ABCG1: variants seen among roughly 807,000 people sequenced by gnomAD.
ABCG1 encodes ATP binding cassette subfamily G member 1.
A neutral mutation model predicts 69.2 loss-of-function variants in ABCG1; 29 were observed. That is an observed-to-expected ratio of 0.42 (90% CI 0.31 to 0.57). The LOEUF (loss-of-function observed/expected upper bound fraction) is 0.57, where lower values mean the gene tolerates loss of function less well. ABCG1 is among the 20% of genes least tolerant of loss of function. The probability of loss-of-function intolerance (pLI) is 0.15; values close to 1 mark genes in which losing one functional copy is unlikely to be tolerated. For synonymous variants in ABCG1, 370 were observed against 374.8 expected (o/e 0.99, Z 0.15); for missense variants, 718 against 898.1 (o/e 0.80, Z 2.56).
intron 2 of ABCG1, among the ~76,000 whole-genome samples, chr21:42,267,791 G>T (rs1194770017): frequency 6.8e-6 from 1 of 147,182 alleles, no homozygotes; most frequent in Non-Finnish European, 1.5e-5. Flanking sequence ...GTCTGGGTCT[G>T]GTCTGGGTTC....
intron 5 of ABCG1, 133 bp downstream of exon 5, chr21:42,277,078 G>A: frequency 1.1e-6 from 1 of 930,584 alleles, no homozygotes; most frequent in Non-Finnish European, 1.7e-6. Context: ...CCGTGTGTGG[G>A]ACAGGCAACA....
At position 42,296,183 on chromosome 21, in the gene ABCG1, A is replaced by T; in HGVS notation, c.1792A>T (p.Ile598Phe). 6.2e-7 allele frequency: 1 copy of T among 1,614,068 alleles called. No homozygotes were observed. The highest frequency in any genetic ancestry group is 8.5e-7 in the Non-Finnish European group (1 of 1,180,014). ...SYVRYGFEGV[I>F]LSIYGLDRED... ...TCCTAGGTATGGGTTCGAAGGGGTC[A>T]TCCTCTCCATCTATGGCTTAGACCG... Residue 598 changes from isoleucine to phenylalanine, a missense_variant, in exon 15 of 15, where the codon ATC (isoleucine) becomes TTC (phenylalanine). Physicochemically the swap from Ile to Phe is conservative, Grantham distance 21. Transcript: ENST00000398449. The surrounding 1 kb of genome is among the most constrained non-coding windows in gnomAD (Gnocchi z 5.4).
At chr21:42,272,460 A>G (rs774491172) in intron 3 of ABCG1, among the ~76,000 whole-genome samples, 2 of 152,268 alleles carry the variant, frequency 1.3e-5, no homozygotes, top group African/African-American at 2.4e-5. Context: ...GCCCACAGTC[A>G]TAGTAACAAG....
At chr21:42,210,863 C>T (rs965764328) in intron 2 of ABCG1, among the ~76,000 whole-genome samples, 3 of 152,084 alleles carry the variant, frequency 2.0e-5, no homozygotes, top group Non-Finnish European at 2.9e-5. Context: ...AGCGAAGGAG[C>T]GTATCTGGAT....
intron 2 of ABCG1, among the ~76,000 whole-genome samples, chr21:42,243,407 T>C (rs1601381610): frequency 1.3e-5 from 2 of 151,942 alleles, no homozygotes; most frequent in East Asian, 3.9e-4. Flanking sequence ...TTTATCTTAA[T>C]CTGTTTCACA....
At chr21:42,250,811 CT>C (rs2068208034) in intron 2 of ABCG1, among the ~76,000 whole-genome samples, 1 of 152,188 alleles carries the variant, frequency 6.6e-6, no homozygotes, top group Non-Finnish European at 1.5e-5. Flanking sequence ...GCATGCTGTG[CT>C]GCTGGCATGG....
chr21:42,296,546 C>A lies in ABCG1; in HGVS notation c.*154C>A. The A allele has an allele frequency of 1.5e-6, 1 of 652,636 alleles. No individual in the cohort carries two copies. The highest frequency in any genetic ancestry group is 2.7e-6 in the Non-Finnish European group (1 of 369,164). 40.4% of individuals were successfully genotyped at this position (652,636 alleles called of 1,614,324 possible). A position where few individuals can be genotyped will look rare whatever the true frequency, so the allele number is the denominator to read the frequency against. ...GGGTTTGTGGGTGTCTCGTGCTCAGCCACTCTGCCCAGCTGGGTTGGATCT... is the reference window on the plus strand; with the variant it reads ...GGGTTTGTGGGTGTCTCGTGCTCAGACACTCTGCCCAGCTGGGTTGGATCT... On this transcript the variant is annotated 3_prime_UTR_variant, in exon 15 of 15. Coordinates refer to ENST00000398449, the MANE Select transcript of ABCG1 (RefSeq NM_016818.3). The surrounding 1 kb of genome is among the most constrained non-coding windows in gnomAD (Gnocchi z 5.4).
chr21:42,276,225 T>G lies in ABCG1; in HGVS notation c.538-670T>G, dbSNP rs1426728429. On this transcript the variant is annotated intron_variant, in intron 4 of 14. Coordinates refer to ENST00000398449, the MANE Select transcript of ABCG1 (RefSeq NM_016818.3). This position sits in a 1 kb window ranked among gnomAD's most constrained non-coding sequence, Gnocchi z 5.3. The stretch of plus-strand genomic sequence containing the variant: ...AAGCAGGGCCAGGAGCCCAGTGCTG[T>G]GTTAGCAAACGGGATCTCAAAAAAC... 2 of 152,346 alleles carry G rather than the reference T, an allele frequency of 1.3e-5. No individual in the cohort carries two copies. Among genetic ancestry groups the G allele is most frequent in the Non-Finnish European group, 2.9e-5 (2 of 68,172 alleles). The allele number at this position is 152,346 out of a possible 1,614,324, so 9.4% of individuals were successfully genotyped here.
chr21:42,202,615 T>G (rs1403207734), intron 2 of ABCG1, among the ~76,000 whole-genome samples: 2 of 148,816 alleles, frequency 1.3e-5, no homozygotes, highest in East Asian at 3.9e-4. Context: ...CTCTCTCCCT[T>G]TTTTTTTTTC....
rs55874718 is a variant in ABCG1 at position 42,280,250 on chromosome 21, C to A, written c.589-2024C>A. Among the ~76,000 whole-genome samples, 51 of 152,272 alleles carry A rather than the reference C, an allele frequency of 3.3e-4. No individual in the cohort carries two copies. In the East Asian group the frequency reaches 8.9e-3, roughly 27 times the overall value. On this transcript the variant is annotated intron_variant, in intron 5 of 14. Coordinates refer to ENST00000398449, the MANE Select transcript of ABCG1 (RefSeq NM_016818.3). Reference sequence around the variant, plus strand: ...CCTTCACTCACTTCCCTCCAACCCCCGATGTGCACCTAGGTCAAAGTTCTC... The same window carrying A: ...CCTTCACTCACTTCCCTCCAACCCCAGATGTGCACCTAGGTCAAAGTTCTC...
Position 42,273,364 on chromosome 21 carries a change from C to A in ABCG1, c.466C>A (p.Arg156=). 1 of 1,613,924 alleles carries A rather than the reference C, an allele frequency of 6.2e-7. No individual in the cohort carries two copies. The change falls in exon 4 of 15, where the codon CGG becomes AGG. Residue 156 remains arginine, a synonymous_variant. Coordinates refer to ENST00000398449, the MANE Select transcript of ABCG1 (RefSeq NM_016818.3). This position sits in a 1 kb window ranked among gnomAD's most constrained non-coding sequence, Gnocchi z 5.3. Reference sequence around the variant, plus strand: ...CCTGCCCCGGGACCTGCGCTGCTTCCGGAAGGTGTCCTGCTACATCATGCA... The same window carrying A: ...CCTGCCCCGGGACCTGCGCTGCTTCAGGAAGGTGTCCTGCTACATCATGCA... ...NGLPRDLRCF[R]KVSCYIMQDD...
rs536180181 is a variant in ABCG1 at position 42,265,950 on chromosome 21, C to T, written c.287-5120C>T. On this transcript the variant is annotated intron_variant, in intron 2 of 14. Coordinates refer to ENST00000398449, the MANE Select transcript of ABCG1 (RefSeq NM_016818.3). The stretch of plus-strand genomic sequence containing the variant: ...TCCCCTTCCTGGACAGGGTTCTTCT[C>T]TCTTAAGCCTGGATAAGTGGGCTTG... Among the ~76,000 whole-genome samples the T allele has an allele frequency of 2.0e-5, 3 of 152,336 alleles. No individual in the cohort carries two copies. In the South Asian group the frequency reaches 6.2e-4, roughly 32 times the overall value.
At chr21:42,261,550 C>T (rs368599312) in intron 2 of ABCG1, among the ~76,000 whole-genome samples, 191 of 152,368 alleles carry the variant, frequency 1.3e-3, no homozygotes, top group African/African-American at 4.3e-3. Flanking sequence ...CCCACCCCCT[C>T]TCTCCACTGA....
upstream of ABCG1, among the ~76,000 whole-genome samples, chr21:42,215,328 T>G (rs915845): frequency 0.16 from 23,755 of 152,248 alleles, 2,003 homozygotes; most frequent in East Asian, 0.24. Context: ...AAGTCCTCAG[T>G]GTGCCCCTTT....
rs894153608 is a variant in ABCG1, at chr21:42,276,389, G to A, written c.538-506G>A. ...ATTCCTAACTCGCACCACTGGTTCC[G>A]CCCAGGCTGGTCGCCAAGCCCCTGA... On this transcript the variant is annotated intron_variant, in intron 4 of 14. Coordinates refer to ENST00000398449, the MANE Select transcript of ABCG1 (RefSeq NM_016818.3). This position sits in a 1 kb window ranked among gnomAD's most constrained non-coding sequence, Gnocchi z 5.3. 1.1e-4 allele frequency: 17 copies of A among 155,404 alleles called. No homozygotes were observed. The South Asian group carries it at 1.6e-3, about 14-fold the overall frequency. 9.6% of individuals were successfully genotyped at this position (155,404 alleles called of 1,614,324 possible). A position where few individuals can be genotyped will look rare whatever the true frequency, so the allele number is the denominator to read the frequency against.
chr21:42,281,680 C>G (rs565754763), intron 5 of ABCG1, among the ~76,000 whole-genome samples: 17 of 152,258 alleles, frequency 1.1e-4, no homozygotes, highest in Admixed American at 9.2e-4. Context: ...ACTCTGTCCC[C>G]CTCCCCGAGA....
intron 2 of ABCG1, among the ~76,000 whole-genome samples, chr21:42,249,220 G>A (rs1013537605): frequency 6.6e-6 from 1 of 152,216 alleles, no homozygotes; most frequent in African/African-American, 2.4e-5. Flanking sequence ...ACTGGGATGA[G>A]GGAGGGGCGC....
intron 1 of ABCG1, chr21:42,220,160 C>A (rs1048232510): frequency 2.2e-6 from 2 of 919,640 alleles, no homozygotes; most frequent in East Asian, 5.5e-5. Flanking sequence ...CTTATCCTAG[C>A]GCCCTTCATG....
intron 2 of ABCG1, among the ~76,000 whole-genome samples, chr21:42,268,102 C>G (rs1171985777): frequency 2.0e-5 from 3 of 152,180 alleles, no homozygotes; most frequent in Non-Finnish European, 4.4e-5. Context: ...CTCTGGCAGT[C>G]TCTGCACTTG....
Sources: allele counts gnomAD v4.1 joint callset (sites outside exome capture counted in the v4.1 genomes callset), GRCh38; gene constraint gnomAD v4.1.1; non-coding constraint Gnocchi (gnomAD v3.1); transcripts MANE v1.5; gene names NCBI Gene and HGNC (gene_info 2026-07-23, HGNC 2026-07-21).